Variants in OSBPL3 observed in about 807,000 individuals in gnomAD.
OSBPL3 encodes oxysterol-binding protein-related protein 3.
A neutral mutation model predicts 120.1 loss-of-function variants in OSBPL3; 65 were observed. The ratio of observed to expected loss-of-function variants is 0.54; its 90% CI spans 0.44 to 0.67. OSBPL3 has a LOEUF of 0.67. OSBPL3 is among the 30% of genes least tolerant of loss of function. OSBPL3 has a pLI of 0.00. For missense variants in OSBPL3, 1,004 were observed against 1,082.1 expected, an observed-to-expected ratio of 0.93 and a Z score of 1.01; for synonymous variants, 416 against 402.6, an observed-to-expected ratio of 1.03 and a Z score of -0.40.
chr7:24,842,219 T>C, intron 13 of OSBPL3, 60 bp downstream of exon 13: 2 of 1,544,268 alleles, frequency 1.3e-6, no homozygotes, highest in Non-Finnish European at 1.8e-6. Flanking sequence ...ACTGAACAGA[T>C]TAATCAGCAA....
intron 2 of OSBPL3, among the ~76,000 whole-genome samples, chr7:24,884,374 AGTGGG>A (rs936953035): frequency 1.4e-4 from 21 of 152,288 alleles, no homozygotes; most frequent in Admixed American, 1.0e-3. Flanking sequence ...TCCTTTCCAC[AGTGGG>A]GGAAACATTA....
upstream of OSBPL3, chr7:24,981,297 C>T (rs572941707): frequency 1.3e-5 from 2 of 152,130 alleles, no homozygotes; most frequent in Non-Finnish European, 2.9e-5. This position sits in a 1 kb window ranked among gnomAD's most constrained non-coding sequence, Gnocchi z 7.3. Flanking sequence ...ATTCCTGAGC[C>T]TGGGAAAGGA....
Position 24,883,481 on chromosome 7 carries a change from C to T in OSBPL3, c.96+8896G>A, listed in dbSNP as rs969760219. 6.6e-6 allele frequency among the ~76,000 whole-genome samples: 1 copy of T among 152,184 alleles called. No homozygotes were observed. The highest frequency in any genetic ancestry group is 2.4e-5 in the African/African-American group (1 of 41,434). On this transcript the variant is annotated intron_variant, in intron 2 of 22. Transcript: ENST00000313367. This position sits in a 1 kb window ranked among gnomAD's most constrained non-coding sequence, Gnocchi z 5.4. ...AACATTCCATTACCTTGTACAGCTG[C>T]TATGCTGTGCTCTCAACCAGAGCAT...
At chr7:24,920,936 A>G (rs561570307) in intron 1 of OSBPL3, among the ~76,000 whole-genome samples, 156 of 152,314 alleles carry the variant, frequency 1.0e-3, no homozygotes, top group African/African-American at 3.7e-3. Context: ...CCTAGAACTC[A>G]CTTGAGAGGT....
Position 24,955,803 on chromosome 7 carries a change from G to A in OSBPL3, c.-150+24083C>T, listed in dbSNP as rs112700779. On this transcript the variant is annotated intron_variant, in intron 1 of 22. Transcript: ENST00000313367. This position sits in a 1 kb window ranked among gnomAD's most constrained non-coding sequence, Gnocchi z 4.3. The stretch of plus-strand genomic sequence containing the variant: ...CCCTGGACCCACAAGGGGGCTTGAC[G>A]CATTAGTAGGCATTCAATAAATATC... Among the ~76,000 whole-genome samples, 3 of 152,284 alleles carry A rather than the reference G, an allele frequency of 2.0e-5. No homozygotes were observed. Among genetic ancestry groups the A allele is most frequent in the African/African-American group, 7.2e-5 (3 of 41,574 alleles).
At chr7:24,858,650 A>G (rs1292996144) in intron 10 of OSBPL3, among the ~76,000 whole-genome samples, 4 of 152,254 alleles carry the variant, frequency 2.6e-5, no homozygotes, top group Non-Finnish European at 5.9e-5. Flanking sequence ...ACCTTTCTCC[A>G]GGACAAACCT....
chr7:24,890,505 T>A (rs1334359838), intron 2 of OSBPL3, among the ~76,000 whole-genome samples: 1 of 152,094 alleles, frequency 6.6e-6, no homozygotes, highest in East Asian at 1.9e-4. Flanking sequence ...GTGGACCCCG[T>A]GGATGGAAAC....
intron 16 of OSBPL3, among the ~76,000 whole-genome samples, chr7:24,829,297 AT>A (rs764397240): frequency 2.7e-4 from 41 of 152,180 alleles, no homozygotes; most frequent in Non-Finnish European, 5.0e-4. Context: ...AGATTATCTT[AT>A]CCCCTTTAAC....
Position 24,863,287 on chromosome 7 carries a change from T to A in OSBPL3, c.783A>T (p.Gly261=), listed in dbSNP as rs752429889. 2.0e-5 allele frequency: 32 copies of A among 1,613,392 alleles called. No individual in the cohort carries two copies. In the South Asian group the frequency reaches 3.3e-4, roughly 17 times the overall value. The change falls in exon 9 of 23, where the codon GGA becomes GGT. Residue 261 remains glycine, a synonymous_variant. Coordinates refer to ENST00000313367, the MANE Select transcript of OSBPL3 (RefSeq NM_015550.4). This position sits in a 1 kb window ranked among gnomAD's most constrained non-coding sequence, Gnocchi z 5.8. The part of the protein sequence containing the change: ...SAPAINAIQG[G]SFESPKKEKR... The stretch of plus-strand genomic sequence containing the variant: ...TTTCCTTTTTGGGACTTTCAAAAGA[T>A]CCACCCTTTGTTTCAAAACAGGAAA...
At chr7:24,927,819 T>C (rs1562978639) in intron 1 of OSBPL3, among the ~76,000 whole-genome samples, 1 of 152,210 alleles carries the variant, frequency 6.6e-6, no homozygotes, top group Non-Finnish European at 1.5e-5. Context: ...CTCACTACCC[T>C]ATCTCTTTTT....
rs1303773464 is a variant in OSBPL3 at position 24,834,404 on chromosome 7, T to C, written c.1746+82A>G. 1 of 1,543,076 alleles carries C rather than the reference T, an allele frequency of 6.5e-7. No individual in the cohort carries two copies. The highest frequency in any genetic ancestry group is 1.4e-5 in the African/African-American group (1 of 72,674). On this transcript the variant is annotated intron_variant, in intron 15 of 22. Coordinates refer to ENST00000313367, the MANE Select transcript of OSBPL3 (RefSeq NM_015550.4). The surrounding 1 kb of genome is among the most constrained non-coding windows in gnomAD (Gnocchi z 5.2). ...AAATGAAACCGGAGGGAACAGGGGC[T>C]GTCTCTCTGATGGGCCCCGTGAATG...
At chr7:24,917,121 T>G (rs1406596218) in intron 1 of OSBPL3, among the ~76,000 whole-genome samples, 2 of 151,990 alleles carry the variant, frequency 1.3e-5, no homozygotes, top group African/African-American at 2.4e-5. Context: ...AACAAGCTTA[T>G]CTACTACCCC....
intron 12 of OSBPL3, among the ~76,000 whole-genome samples, chr7:24,845,570 G>T (rs1584348636): frequency 1.4e-5 from 2 of 147,932 alleles, no homozygotes; most frequent in African/African-American, 2.5e-5. Context: ...CATTGATTTA[G>T]CATTATCTCA....
In OSBPL3 at chr7:24,873,160, C is replaced by T. The variant is rs921659788; in HGVS notation, c.97-1091G>A. ...GACTAACTTGCTTTGAGTCAAATCT[C>T]CAGCCCACAGGCAGGTGGTACAGGC... On this transcript the variant is annotated intron_variant, in intron 2 of 22. Transcript: ENST00000313367. This position sits in a 1 kb window ranked among gnomAD's most constrained non-coding sequence, Gnocchi z 4.1. Among the ~76,000 whole-genome samples the T allele has an allele frequency of 6.6e-6, 1 of 152,204 alleles. No homozygotes were observed. The highest frequency in any genetic ancestry group is 2.4e-5 in the African/African-American group (1 of 41,446).
rs185955915 is a variant in OSBPL3, at chr7:24,936,238, C to G, written c.-149-43617G>C. ...CTGAGTGAGTAAGTAAGAACATATGCGAATATTTCAAAGGAAGCTGAGACA... is the reference window on the plus strand; with the variant it reads ...CTGAGTGAGTAAGTAAGAACATATGGGAATATTTCAAAGGAAGCTGAGACA... On this transcript the variant is annotated intron_variant, in intron 1 of 22. Transcript: ENST00000313367. This position sits in a 1 kb window ranked among gnomAD's most constrained non-coding sequence, Gnocchi z 4.2. 3.3e-5 allele frequency among the ~76,000 whole-genome samples: 5 copies of G among 152,010 alleles called. No homozygotes were observed. The highest frequency in any genetic ancestry group is 7.4e-5 in the Non-Finnish European group (5 of 68,012).
At chr7:24,865,964 C>T in intron 6 of OSBPL3, 106 bp downstream of exon 6, 3 of 837,562 alleles carry the variant, frequency 3.6e-6, no homozygotes, top group Non-Finnish European at 3.9e-6. Context: ...GCCTACCCTG[C>T]TTGTCCCCGA....
At chr7:24,926,192 G>C (rs1811024553) in intron 1 of OSBPL3, among the ~76,000 whole-genome samples, 1 of 152,146 alleles carries the variant, frequency 6.6e-6, no homozygotes, top group Non-Finnish European at 1.5e-5. Context: ...TTATAAGATG[G>C]ACTCCATTTC....
At chr7:24,960,367 A>G (rs773565268) in intron 1 of OSBPL3, among the ~76,000 whole-genome samples, 2 of 152,232 alleles carry the variant, frequency 1.3e-5, no homozygotes, top group Non-Finnish European at 2.9e-5. Context: ...AATCTTGACC[A>G]CAACCCACGT....
rs1226792389 is a variant in OSBPL3 at position 24,940,343 on chromosome 7, T to C, written c.-150+39543A>G. 4.6e-5 allele frequency among the ~76,000 whole-genome samples: 7 copies of C among 152,266 alleles called. No individual in the cohort carries two copies. Among genetic ancestry groups the C allele is most frequent in the East Asian group, 1.9e-4 (1 of 5,186 alleles). On this transcript the variant is annotated intron_variant, in intron 1 of 22. Coordinates refer to ENST00000313367, the MANE Select transcript of OSBPL3 (RefSeq NM_015550.4). This position sits in a 1 kb window ranked among gnomAD's most constrained non-coding sequence, Gnocchi z 4.4. Reference sequence around the variant, plus strand: ...CAGTTGGAGAAAGAAATGAATCCTATAGAAGATCAGGAGGTGTAGAAATTA... The same window carrying C: ...CAGTTGGAGAAAGAAATGAATCCTACAGAAGATCAGGAGGTGTAGAAATTA...
Sources: gnomAD v4.1 joint callset for allele counts (sites outside exome capture counted in the v4.1 genomes callset) on GRCh38, gnomAD v4.1.1 for gene constraint, Gnocchi (gnomAD v3.1) non-coding constraint, MANE v1.5 for transcripts, NCBI Gene and HGNC (gene_info 2026-07-23, HGNC 2026-07-21) for gene names.